Variants in CTNNA3 observed in about 807,000 individuals in gnomAD.
The protein encoded by CTNNA3 is catenin alpha 3.
In CTNNA3, 76 loss-of-function variants were observed where a neutral mutation model predicts 95.7. The ratio of observed to expected loss-of-function variants is 0.79; its 90% CI spans 0.66 to 0.96. The LOEUF is 0.96. CTNNA3 is among the 40% of genes least tolerant of loss of function. CTNNA3 has a pLI of 0.00. For missense variants in CTNNA3, 1,191 were observed against 1,089.8 expected (o/e 1.09, Z -1.31); for synonymous variants, 431 against 374.4 (o/e 1.15, Z -1.74).
At chr10:66,875,518 G>C (rs797005631) in intron 7 of CTNNA3, among the ~76,000 whole-genome samples, 3 of 152,118 alleles carry the variant, frequency 2.0e-5, no homozygotes, top group Admixed American at 6.6e-5. Flanking sequence ...TACCAAAACA[G>C]GTTAAGCCTC....
intron 7 of CTNNA3, among the ~76,000 whole-genome samples, chr10:66,982,475 C>T (rs2042562492): frequency 1.3e-5 from 2 of 152,092 alleles, no homozygotes; most frequent in African/African-American, 4.8e-5. Flanking sequence ...GTAAAGCACC[C>T]AGGACAATGT....
At chr10:66,908,346 C>T (rs1281601894) in intron 7 of CTNNA3, among the ~76,000 whole-genome samples, 3 of 152,164 alleles carry the variant, frequency 2.0e-5, no homozygotes, top group Non-Finnish European at 4.4e-5. Context: ...GGCTGCCAGA[C>T]ACAATTATTT....
chr10:67,745,013 G>A (rs1171290859), intron 1 of CTNNA3, among the ~76,000 whole-genome samples: 1 of 151,898 alleles, frequency 6.6e-6, no homozygotes, highest in Non-Finnish European at 1.5e-5. Context: ...GAAACAACAG[G>A]TGCTGGAGAG....
intron 5 of CTNNA3, among the ~76,000 whole-genome samples, chr10:67,471,313 C>G (rs1847812956): frequency 6.6e-6 from 1 of 152,178 alleles, no homozygotes; most frequent in East Asian, 1.9e-4. Flanking sequence ...AAAACTGCCC[C>G]TAGTTGAAAA....
intron 5 of CTNNA3, among the ~76,000 whole-genome samples, chr10:67,511,891 C>T (rs1345813230): frequency 2.0e-5 from 3 of 152,112 alleles, no homozygotes; most frequent in African/African-American, 7.2e-5. Flanking sequence ...TTGGTCTATT[C>T]AGAGATTCAA....
chr10:66,088,488 TG>T (rs1456249462), intron 14 of CTNNA3, among the ~76,000 whole-genome samples: 11 of 27,640 alleles, frequency 4.0e-4, no homozygotes, highest in Admixed American at 6.6e-4. Flanking sequence ...AGGTGTTTTG[TG>T]TGTGTGTGTG....
chr10:67,038,349 G>C (rs1215723892), intron 7 of CTNNA3, among the ~76,000 whole-genome samples: 1 of 151,850 alleles, frequency 6.6e-6, no homozygotes, highest in African/African-American at 2.4e-5. Context: ...GTTTACTTAA[G>C]TCACTATATG....
intron 7 of CTNNA3, among the ~76,000 whole-genome samples, chr10:67,090,712 G>C (rs769300630): frequency 6.6e-5 from 10 of 152,014 alleles, no homozygotes; most frequent in African/African-American, 9.7e-5. Context: ...AAATAATGAA[G>C]AGAATATTAG....
intron 17 of CTNNA3, among the ~76,000 whole-genome samples, chr10:65,953,386 T>C (rs1372460465): frequency 6.6e-6 from 1 of 151,466 alleles, no homozygotes; most frequent in East Asian, 1.9e-4. Context: ...TTTTTTTTAG[T>C]GTTTTTTCTT....
At chr10:67,408,873 T>A in intron 5 of CTNNA3, among the ~76,000 whole-genome samples, 1 of 29,810 alleles carries the variant, frequency 3.4e-5, no homozygotes. Flanking sequence ...TAAAAGGAAC[T>A]TAAATTTACA....
intron 9 of CTNNA3, among the ~76,000 whole-genome samples, chr10:66,746,794 A>G (rs1185227265): frequency 6.6e-6 from 1 of 152,186 alleles, no homozygotes; most frequent in African/African-American, 2.4e-5. Flanking sequence ...AATAAGAGTC[A>G]ATCCTAAAAT....
chr10:66,879,306 A>C (rs1844753645), intron 7 of CTNNA3, among the ~76,000 whole-genome samples: 1 of 152,134 alleles, frequency 6.6e-6, no homozygotes, highest in Non-Finnish European at 1.5e-5. Context: ...GCTTATAAAA[A>C]CCAAGCAAAG....
At chr10:66,361,716 T>C (rs548658368) in intron 12 of CTNNA3, among the ~76,000 whole-genome samples, 1 of 151,850 alleles carries the variant, frequency 6.6e-6, no homozygotes, top group Admixed American at 6.6e-5. Flanking sequence ...TTTCTAATTT[T>C]CTGTAGAGAT....
chr10:66,947,553 T>C (rs1848337702), intron 7 of CTNNA3, among the ~76,000 whole-genome samples: 1 of 152,124 alleles, frequency 6.6e-6, no homozygotes, highest in Admixed American at 6.5e-5. Context: ...TCTCCCCTGC[T>C]GAAAATATAA....
chr10:66,187,482 T>C (rs1166074246), intron 13 of CTNNA3, among the ~76,000 whole-genome samples: 1 of 151,100 alleles, frequency 6.6e-6, no homozygotes, highest in Non-Finnish European at 1.5e-5. Flanking sequence ...GCTGTCATGC[T>C]GTCATCTCTA....
chr10:66,538,367 C>T (rs74141597), intron 10 of CTNNA3, among the ~76,000 whole-genome samples: 1,587 of 152,208 alleles, frequency 0.01, 29 homozygotes, highest in African/African-American at 0.036. Context: ...CAAAGGCAGA[C>T]TTGCTTTTTC....
chr10:66,123,341 G>A (rs1372292395), intron 13 of CTNNA3, among the ~76,000 whole-genome samples: 12 of 152,086 alleles, frequency 7.9e-5, no homozygotes, highest in East Asian at 7.7e-4. Context: ...TCCATGTCTC[G>A]CATCCGGGTC....
At chr10:67,421,012 A>C (rs1249691076) in intron 5 of CTNNA3, among the ~76,000 whole-genome samples, 1 of 152,192 alleles carries the variant, frequency 6.6e-6, no homozygotes, top group African/African-American at 2.4e-5. Flanking sequence ...CCTCTTCTTT[A>C]TAATGAAATA....
At chr10:67,050,473 G>C (rs976681806) in intron 7 of CTNNA3, among the ~76,000 whole-genome samples, 13 of 152,174 alleles carry the variant, frequency 8.5e-5, no homozygotes, top group Non-Finnish European at 1.6e-4. Context: ...ATTCAGCTTA[G>C]ATTGCAGAAC....
Sources: gnomAD v4.1 joint callset for allele counts (sites outside exome capture counted in the v4.1 genomes callset) on GRCh38, gnomAD v4.1.1 for gene constraint, MANE v1.5 for transcripts, NCBI Gene and HGNC (gene_info 2026-07-23, HGNC 2026-07-21) for gene names.